The following ZNF571 variants were observed in gnomAD, a reference collection of about 807,000 sequenced individuals.
ZNF571 encodes zinc finger protein 571.
Under a neutral mutation model 7.7 loss-of-function variants are expected in ZNF571, and 4 were observed. The ratio of observed to expected loss-of-function variants is 0.52; its 90% CI spans 0.25 to 1.18. ZNF571 has a LOEUF of 1.18. ZNF571 is among the 50% of genes most tolerant of loss of function. ZNF571 has a pLI of 0.14. For synonymous variants in ZNF571, 251 were observed against 232.4 expected (o/e 1.08, Z -0.73); for missense variants, 704 against 726.9 (o/e 0.97, Z 0.36).
At chr19:37,590,312 G>A (rs1477520933) in intron 1 of ZNF571, among the ~76,000 whole-genome samples, 3 of 152,114 alleles carry the variant, frequency 2.0e-5, no homozygotes, top group Non-Finnish European at 2.9e-5. Context: ...AGCTACTTGG[G>A]AGGCTGAGGC....
intron 3 of ZNF571, among the ~76,000 whole-genome samples, chr19:37,581,454 C>G (rs978342425): frequency 6.7e-6 from 1 of 149,856 alleles, no homozygotes; most frequent in Non-Finnish European, 1.5e-5. Context: ...ATCTCCATTT[C>G]TTTCTTTCTT....
chr19:37,568,270 A>C (rs1182599656), intron 3 of ZNF571, among the ~76,000 whole-genome samples: 1 of 151,966 alleles, frequency 6.6e-6, no homozygotes, highest in African/African-American at 2.4e-5. Context: ...TTGAGAAAAC[A>C]CACTTTTGCT....
chr19:37,564,522 A>G lies in ZNF571; in HGVS notation c.*76T>C. On this transcript the variant is annotated 3_prime_UTR_variant, in exon 4 of 4. Transcript: ENST00000451802. ...TAAGAATGAGCAGATTCTGAGCAGA[A>G]GCAAGATGTTCTACATTCATTATAG... 7.4e-7 allele frequency: 1 copy of G among 1,350,422 alleles called. No individual in the cohort carries two copies. The highest frequency in any genetic ancestry group is 2.7e-5 in the Admixed American group (1 of 36,386). The allele number at this position is 1,350,422 out of a possible 1,614,324, so 83.7% of individuals were successfully genotyped here.
chr19:37,585,612 A>C (rs2043644122), intron 2 of ZNF571: 1 of 152,220 alleles, frequency 6.6e-6, no homozygotes, highest in South Asian at 2.1e-4. Flanking sequence ...CGGTCTTTGA[A>C]CACTAGTTCA....
chr19:37,587,709 G>T (rs2043724541), intron 1 of ZNF571, among the ~76,000 whole-genome samples: 1 of 151,952 alleles, frequency 6.6e-6, no homozygotes, highest in Non-Finnish European at 1.5e-5. Context: ...AATAATTTAA[G>T]TAAGATTTTG....
chr19:37,578,582 C>CA (rs1294278512), intron 3 of ZNF571, among the ~76,000 whole-genome samples: 2 of 152,226 alleles, frequency 1.3e-5, no homozygotes, highest in African/African-American at 4.8e-5. Flanking sequence ...GCCGCAGTCA[C>CA]AGTGCTGAGG....
chr19:37,588,426 A>G (rs116935050), intron 1 of ZNF571, among the ~76,000 whole-genome samples: 197 of 152,382 alleles, frequency 1.3e-3, no homozygotes, highest in Non-Finnish European at 2.2e-3. Context: ...ATGTGGCTAG[A>G]GGCCATTATC....
At chr19:37,575,928 T>C (rs541708644) in intron 3 of ZNF571, 4 of 152,188 alleles carry the variant, frequency 2.6e-5, no homozygotes, top group Non-Finnish European at 4.4e-5. Flanking sequence ...TTTCCGTTAA[T>C]TAACTCCACA....
rs1232106250 is a variant in ZNF571, at chr19:37,569,518, G to A, written c.137-3227C>T. ...ACACACTCAAACATAAAACAAGGAT[G>A]TCATAAAATTATCTTTGCTATATGT... On this transcript the variant is annotated intron_variant, in intron 3 of 3. Transcript: ENST00000451802. This position sits in a 1 kb window ranked among gnomAD's most constrained non-coding sequence, Gnocchi z 4.4. 6.6e-6 allele frequency among the ~76,000 whole-genome samples: 1 copy of A among 152,016 alleles called. No homozygotes were observed. The highest frequency in any genetic ancestry group is 2.4e-5 in the African/African-American group (1 of 41,366).
intron 1 of ZNF571, among the ~76,000 whole-genome samples, chr19:37,588,636 A>G (rs1450418245): frequency 6.6e-6 from 1 of 152,210 alleles, no homozygotes; most frequent in Non-Finnish European, 1.5e-5. Flanking sequence ...TGACTGGATC[A>G]TACCCCAAAC....
chr19:37,570,650 T>C (rs2043018716), intron 3 of ZNF571, among the ~76,000 whole-genome samples: 1 of 152,216 alleles, frequency 6.6e-6, no homozygotes, highest in African/African-American at 2.4e-5. Flanking sequence ...AGGACTTTCA[T>C]TTCCTGTTGT....
rs769913869 is a variant in ZNF571 at position 37,566,069 on chromosome 19, T to C, written c.359A>G (p.Glu120Gly). 1.9e-6 allele frequency: 3 copies of C among 1,614,102 alleles called. No individual in the cohort carries two copies. The highest frequency in any genetic ancestry group is 2.7e-5 in the African/African-American group (2 of 75,056). ...VKITCEEKAT[E>G]SHSTSSTFHR... is the part of the protein sequence containing the mutation. ...AAAAGTAGAAGAGGTTGAATGACTT[T>C]CAGTGGCCTTTTCTTCACAGGTAAT... The change falls in exon 4 of 4, where the codon GAA becomes GGA. Residue 120 changes from glutamate (E) to glycine (G), a missense_variant. Physicochemically the swap from Glu to Gly is moderately conservative, Grantham distance 98. Coordinates refer to ENST00000451802, the MANE Select transcript of ZNF571 (RefSeq NM_016536.5).
rs1411882106 is a variant in ZNF571, at chr19:37,565,115, T to C, written c.1313A>G (p.Gln438Arg). ...GGGTTTCTCACCTGTATGAATTCTC[T>C]GATGTTCACTAAGTTGTTTGCCACA... is the stretch of plus-strand genomic sequence containing the variant. ...FICGKQLSEH[Q>R]RIHTGEKPFE... The change falls in exon 4 of 4, where the codon CAG (glutamine) becomes CGG (arginine). Residue 438 changes from glutamine (Q) to arginine (R), a missense_variant. Transcript: ENST00000451802. The C allele has an allele frequency of 1.9e-6, 3 of 1,613,266 alleles. No individual in the cohort carries two copies. The highest frequency in any genetic ancestry group is 2.7e-5 in the African/African-American group (2 of 74,922).
At chr19:37,567,161 T>A (rs537947635) in intron 3 of ZNF571, among the ~76,000 whole-genome samples, 1 of 152,338 alleles carries the variant, frequency 6.6e-6, no homozygotes, top group Non-Finnish European at 1.5e-5. Context: ...GTACCTATAT[T>A]GCATTTTTCA....
intron 3 of ZNF571, among the ~76,000 whole-genome samples, chr19:37,567,087 G>A (rs2042887946): frequency 1.3e-5 from 2 of 152,204 alleles, no homozygotes; most frequent in African/African-American, 4.8e-5. Context: ...TACCTGCATG[G>A]CTTGTTCCCT....
At position 37,567,154 on chromosome 19, in the gene ZNF571, C is replaced by T. The variant is rs78942320; in HGVS notation, c.137-863G>A. Reference sequence around the variant, plus strand: ...TCAAAACATCCAACACATAATTGTACCTATATTGCATTTTTCACTAATGGA... The same window carrying T: ...TCAAAACATCCAACACATAATTGTATCTATATTGCATTTTTCACTAATGGA... On this transcript the variant is annotated intron_variant, in intron 3 of 3. Coordinates refer to ENST00000451802, the MANE Select transcript of ZNF571 (RefSeq NM_016536.5). 6.7e-3 allele frequency among the ~76,000 whole-genome samples: 1,026 copies of T among 152,248 alleles called. 32 individuals carry two copies. Among genetic ancestry groups the T allele is most frequent in the East Asian group, 0.051 (263 of 5,168 alleles).
At chr19:37,568,531 A>G (rs559495073) in intron 3 of ZNF571, among the ~76,000 whole-genome samples, 1 of 152,322 alleles carries the variant, frequency 6.6e-6, no homozygotes, top group African/African-American at 2.4e-5. Flanking sequence ...ATAGCTACCT[A>G]TGTGCTAGTG....
At chr19:37,589,604 G>T (rs944440570) in intron 1 of ZNF571, among the ~76,000 whole-genome samples, 1 of 151,906 alleles carries the variant, frequency 6.6e-6, no homozygotes, top group South Asian at 2.1e-4. Flanking sequence ...AGATCCTACT[G>T]GACTAAGTTC....
At chr19:37,581,915 C>T (rs2043482697) in intron 3 of ZNF571, among the ~76,000 whole-genome samples, 1 of 151,936 alleles carries the variant, frequency 6.6e-6, no homozygotes, top group South Asian at 2.1e-4. Context: ...CTGTCTATAC[C>T]TTTTGCTTTT....
Sources: gnomAD v4.1 joint callset for allele counts (sites outside exome capture counted in the v4.1 genomes callset) on GRCh38, gnomAD v4.1.1 for gene constraint, Gnocchi (gnomAD v3.1) non-coding constraint, MANE v1.5 for transcripts, NCBI Gene and HGNC (gene_info 2026-07-23, HGNC 2026-07-21) for gene names.